The following CNTNAP2 variants were observed in gnomAD, a reference collection of about 807,000 sequenced individuals.
CNTNAP2 encodes the protein contactin-associated protein-like 2.
In CNTNAP2, 98 loss-of-function variants were observed where a neutral mutation model predicts 155.2. The observed-to-expected ratio is 0.63, with a 90% CI of 0.54 to 0.75. The LOEUF is 0.75. Among genes scored for constraint, CNTNAP2 ranks in the 30% least tolerant of loss-of-function variants. The probability of loss-of-function intolerance (pLI) is 0.00; values close to 1 mark genes in which losing one functional copy is unlikely to be tolerated. For synonymous variants in CNTNAP2, 651 were observed against 631.2 expected (o/e 1.03, Z -0.47); for missense variants, 1,727 against 1,688.1 (o/e 1.02, Z -0.40).
chr7:147,504,668 G>A (rs1382490610), intron 11 of CNTNAP2, among the ~76,000 whole-genome samples: 3 of 140,688 alleles, frequency 2.1e-5, no homozygotes, highest in Non-Finnish European at 3.1e-5. Flanking sequence ...GGTCCTGGGC[G>A]ACAGAATGAG....
intron 1 of CNTNAP2, among the ~76,000 whole-genome samples, chr7:146,464,826 A>G (rs1181829691): frequency 1.4e-4 from 21 of 152,156 alleles, no homozygotes. Context: ...TTGGCTGGGC[A>G]AGCGGGAATG....
chr7:148,059,904 T>C (rs1803100800), intron 15 of CNTNAP2, among the ~76,000 whole-genome samples: 1 of 152,088 alleles, frequency 6.6e-6, no homozygotes, highest in Non-Finnish European at 1.5e-5. Context: ...TCAAGGTTTT[T>C]AAGTGCTTTG....
At chr7:146,717,152 T>C (rs1358703885) in intron 1 of CNTNAP2, among the ~76,000 whole-genome samples, 2 of 152,072 alleles carry the variant, frequency 1.3e-5, no homozygotes, top group Admixed American at 6.6e-5. Context: ...TATTTAGAAA[T>C]AGTCCACTTT....
intron 11 of CNTNAP2, among the ~76,000 whole-genome samples, chr7:147,488,041 G>T (rs952548263): frequency 3.4e-5 from 3 of 87,046 alleles, no homozygotes; most frequent in Non-Finnish European, 6.4e-5. Context: ...TCAAGAGAGG[G>T]TTGGCTGGTG....
At chr7:146,556,585 G>A (rs1798201637) in intron 1 of CNTNAP2, among the ~76,000 whole-genome samples, 2 of 152,072 alleles carry the variant, frequency 1.3e-5, no homozygotes, top group South Asian at 4.1e-4. Context: ...AAAGAAGAAA[G>A]ACAGAAATAC....
intron 9 of CNTNAP2, among the ~76,000 whole-genome samples, chr7:147,351,391 TA>T (rs769407010): frequency 1.3e-5 from 2 of 151,144 alleles, no homozygotes; most frequent in Non-Finnish European, 3.0e-5. Flanking sequence ...GCATAGTTTA[TA>T]AAAAAAATAG....
At chr7:148,039,743 A>G (rs1370347343) in intron 15 of CNTNAP2, among the ~76,000 whole-genome samples, 2 of 152,250 alleles carry the variant, frequency 1.3e-5, no homozygotes, top group Middle Eastern at 3.4e-3. Flanking sequence ...CAGCTTTTTC[A>G]TGCATGCATT....
intron 21 of CNTNAP2, among the ~76,000 whole-genome samples, chr7:148,302,215 A>G (rs1452897571): frequency 6.6e-6 from 1 of 152,184 alleles, no homozygotes; most frequent in Non-Finnish European, 1.5e-5. Context: ...AAGAAAATCT[A>G]CCTAGCAGTA....
chr7:147,467,188 T>C (rs1584750460), intron 10 of CNTNAP2, among the ~76,000 whole-genome samples: 1 of 152,144 alleles, frequency 6.6e-6, no homozygotes, highest in Non-Finnish European at 1.5e-5. Context: ...TTCAGGGCTG[T>C]AAAAAATGGT....
intron 11 of CNTNAP2, among the ~76,000 whole-genome samples, chr7:147,547,631 AC>A (rs1475985801): frequency 1.9e-3 from 76 of 39,942 alleles, no homozygotes; most frequent in Middle Eastern, 0.013. Flanking sequence ...TTTCTTCTAA[AC>A]ACACACACAC....
At chr7:146,693,536 GA>G (rs1361097251) in intron 1 of CNTNAP2, among the ~76,000 whole-genome samples, 7 of 151,986 alleles carry the variant, frequency 4.6e-5, no homozygotes, top group Non-Finnish European at 8.8e-5. Flanking sequence ...TTAGAATAGG[GA>G]AAAATATTAT....
intron 10 of CNTNAP2, among the ~76,000 whole-genome samples, chr7:147,455,762 C>T (rs958715828): frequency 2.0e-5 from 3 of 151,992 alleles, no homozygotes; most frequent in East Asian, 1.9e-4. Context: ...GAGTGCCAAT[C>T]GAAAGTCTTC....
intron 1 of CNTNAP2, among the ~76,000 whole-genome samples, chr7:146,756,140 C>A (rs1357642298): frequency 6.6e-6 from 1 of 151,720 alleles, no homozygotes; most frequent in Non-Finnish European, 1.5e-5. Flanking sequence ...TGAATGCCTG[C>A]AAAAAATAAG....
At chr7:146,565,052 A>G (rs1455017275) in intron 1 of CNTNAP2, among the ~76,000 whole-genome samples, 1 of 151,296 alleles carries the variant, frequency 6.6e-6, no homozygotes, top group Non-Finnish European at 1.5e-5. Flanking sequence ...TTTTCCTTTC[A>G]CTCTAAGGCT....
At chr7:147,070,968 T>C (rs740811) in intron 4 of CNTNAP2, among the ~76,000 whole-genome samples, 110,966 of 151,920 alleles carry the variant, frequency 0.73, 40,639 homozygotes, top group African/African-American at 0.79. Context: ...TTTGCTTCAC[T>C]CCAGGCCCAG....
At chr7:147,691,415 C>T (rs1216750890) in intron 13 of CNTNAP2, among the ~76,000 whole-genome samples, 2 of 152,104 alleles carry the variant, frequency 1.3e-5, no homozygotes, top group African/African-American at 4.8e-5. Context: ...AGCCTACCCT[C>T]ATGGAATGCA....
chr7:148,108,762 A>G (rs1033850841), intron 15 of CNTNAP2, among the ~76,000 whole-genome samples: 6 of 152,186 alleles, frequency 3.9e-5, no homozygotes, highest in Non-Finnish European at 8.8e-5. Flanking sequence ...GTTAAGTTGT[A>G]TTGCACAGCT....
At chr7:147,320,351 T>G (rs1188413461) in intron 9 of CNTNAP2, among the ~76,000 whole-genome samples, 3 of 152,170 alleles carry the variant, frequency 2.0e-5, no homozygotes. Flanking sequence ...ATGAATCCAG[T>G]GCCCCCTCCC....
intron 1 of CNTNAP2, among the ~76,000 whole-genome samples, chr7:146,290,012 A>G (rs6946774): frequency 0.09 from 13,712 of 152,250 alleles, 1,596 homozygotes; most frequent in African/African-American, 0.27. Flanking sequence ...GCAGAATAAG[A>G]AAAAATAATT....
Sources: allele counts gnomAD v4.1 joint callset (sites outside exome capture counted in the v4.1 genomes callset), GRCh38; gene constraint gnomAD v4.1.1; transcripts MANE v1.5; gene names NCBI Gene and HGNC (gene_info 2026-07-23, HGNC 2026-07-21).